IGSF9: variants seen among roughly 807,000 people sequenced by gnomAD.
IGSF9 encodes immunoglobulin superfamily member 9, also known as protein turtle homolog A.
In IGSF9, 87 loss-of-function variants were observed where a neutral mutation model predicts 121.7. That is an observed-to-expected ratio of 0.71 (90% CI 0.60 to 0.85). IGSF9 has a LOEUF of 0.85. IGSF9 is among the 40% of genes least tolerant of loss of function. The pLI, the probability that IGSF9 is intolerant of heterozygous loss-of-function variation, is 0.00. For synonymous variants in IGSF9, 640 were observed against 648.4 expected (o/e 0.99, Z 0.20); for missense variants, 1,462 against 1,565.3 (o/e 0.93, Z 1.11).
chr1:159,940,621 GT>G (rs1384306688), intron 3 of IGSF9, among the ~76,000 whole-genome samples: 9 of 152,250 alleles, frequency 5.9e-5, no homozygotes, highest in Non-Finnish European at 1.0e-4. Flanking sequence ...TCAAAAAATG[GT>G]GCTAACTGCG....
Position 159,929,328 on chromosome 1 carries a change from G to A in IGSF9, c.2369+23C>T, listed in dbSNP as rs765888908. On this transcript the variant is annotated intron_variant, in intron 18 of 20. Coordinates refer to ENST00000368094, the MANE Select transcript of IGSF9 (RefSeq NM_001135050.2). ...ACGTACAATGGAAAGGCAGAAGAAA[G>A]CCAAGGAGGTGGAGGCACTTACGGT... 18 of 1,612,114 alleles carry A rather than the reference G, an allele frequency of 1.1e-5. No individual in the cohort carries two copies. In the East Asian group the frequency reaches 3.8e-4, roughly 34 times the overall value.
At chr1:159,944,746 C>T (rs909577835) in intron 1 of IGSF9, among the ~76,000 whole-genome samples, 11 of 152,104 alleles carry the variant, frequency 7.2e-5, no homozygotes, top group East Asian at 3.9e-4. Context: ...CACTCTTGGC[C>T]GCAAAGTTCA....
chr1:159,939,653 A>G (rs1375529785), intron 3 of IGSF9, among the ~76,000 whole-genome samples: 1 of 152,246 alleles, frequency 6.6e-6, no homozygotes, highest in Non-Finnish European at 1.5e-5. Flanking sequence ...GTTTGCTTCC[A>G]TTCTACCTCT....
rs375786111 is a variant in IGSF9, at chr1:159,930,443, C to T, written c.1814-4G>A. 5 of 1,529,608 alleles carry T rather than the reference C, an allele frequency of 3.3e-6. No individual in the cohort carries two copies. Among genetic ancestry groups the T allele is most frequent in the African/African-American group, 1.4e-5 (1 of 72,258 alleles). 94.8% of individuals were successfully genotyped at this position (1,529,608 alleles called of 1,614,324 possible). On this transcript the variant is annotated splice_polypyrimidine_tract_variant and splice_region_variant and intron_variant, in intron 14 of 20. Coordinates refer to ENST00000368094, the MANE Select transcript of IGSF9 (RefSeq NM_001135050.2). ...GCAGCTGGCGTGGTAGGAAGCCCTG[C>T]GTGGGACAGAAAGGCAGGTCAGAGC...
chr1:159,942,898 C>A (rs576058919), intron 3 of IGSF9, 65 bp downstream of exon 3: 6 of 1,412,142 alleles, frequency 4.2e-6, no homozygotes, highest in Admixed American at 2.0e-5. Flanking sequence ...AGGCCTTGTG[C>A]GACTCTACCC....
chr1:159,929,202 G>A (rs1411225777), intron 18 of IGSF9, 149 bp downstream of exon 18: 2 of 1,291,734 alleles, frequency 1.5e-6, no homozygotes, highest in East Asian at 2.4e-5. Context: ...CTCAGGCTGG[G>A]GCCACTGCAC....
At chr1:159,940,207 T>G (rs978005864) in intron 3 of IGSF9, among the ~76,000 whole-genome samples, 1 of 152,104 alleles carries the variant, frequency 6.6e-6, no homozygotes, top group Non-Finnish European at 1.5e-5. Flanking sequence ...TGGACACGGG[T>G]GTTAGGACCG....
chr1:159,943,687 C>T, intron 1 of IGSF9, 59 bp from the exon 2 acceptor site: 1 of 410,460 alleles, frequency 2.4e-6, no homozygotes, highest in Non-Finnish European at 4.3e-6. Context: ...CCAGAAGAAA[C>T]CCCACCATTA....
rs1267956170 is a variant in IGSF9 at position 159,931,403 on chromosome 1, G to A, written c.1513+50C>T. On this transcript the variant is annotated intron_variant, in intron 12 of 20. Transcript: ENST00000368094. The surrounding 1 kb of genome is among the most constrained non-coding windows in gnomAD (Gnocchi z 4.8). The stretch of plus-strand genomic sequence containing the variant: ...ATCCTCTTTCTGGGCCTCCAAAAAC[G>A]ATTCCCAAGTAGTTTCTCCCAGCCC... 18 of 1,600,654 alleles carry A rather than the reference G, an allele frequency of 1.1e-5. No individual in the cohort carries two copies. Among genetic ancestry groups the A allele is most frequent in the East Asian group, 1.1e-4 (5 of 44,594 alleles).
chr1:159,941,899 C>A (rs999642285), intron 3 of IGSF9, among the ~76,000 whole-genome samples: 16 of 152,250 alleles, frequency 1.1e-4, no homozygotes, highest in Non-Finnish European at 2.2e-4. Flanking sequence ...CCAATAACTG[C>A]CCCCAGTTTG....
chr1:159,931,650 A>G lies in IGSF9; in HGVS notation c.1363-47T>C. ...CTGAGGACACACGCAGCCACCCCTC[A>G]CCAAAGGCGCCCCTCATCTCTCCAG... On this transcript the variant is annotated intron_variant, in intron 11 of 20. Transcript: ENST00000368094. The surrounding 1 kb of genome is among the most constrained non-coding windows in gnomAD (Gnocchi z 4.8). 1 of 1,593,742 alleles carries G rather than the reference A, an allele frequency of 6.3e-7. No individual in the cohort carries two copies. The highest frequency in any genetic ancestry group is 2.3e-5 in the East Asian group (1 of 44,364).
In IGSF9 at chr1:159,927,789, C is replaced by G. The variant is rs773126631; in HGVS notation, c.3329G>C (p.Arg1110Pro). 1.9e-6 allele frequency: 3 copies of G among 1,613,756 alleles called. No individual in the cohort carries two copies. In the African/African-American group the frequency reaches 4.0e-5, roughly 22 times the overall value. The stretch of plus-strand genomic sequence containing the variant: ...CTCTGGCTCAGCTTCAGGTCTGAGC[C>G]GGGAGCTGGCCAAGCCCAGGTGCAA... Reference protein sequence around the residue: ...ETLHLGLASSRLRPEAEPELG... With the variant: ...ETLHLGLASSPLRPEAEPELG... Residue 1110 changes from arginine (R) to proline (P), a missense_variant, in exon 20 of 21, where the codon CGG (arginine) becomes CCG (proline). This residue lies in a region of IGSF9 where 808 missense variants were observed against 815.2 expected (regional missense o/e 0.99). Transcript: ENST00000368094.
In IGSF9 at chr1:159,929,790, G is replaced by A. The variant is rs767946352; in HGVS notation, c.2174C>T (p.Thr725Met). The A allele has an allele frequency of 1.2e-5, 20 of 1,605,754 alleles. No homozygotes were observed. Among genetic ancestry groups the A allele is most frequent in the East Asian group, 6.7e-5 (3 of 44,508 alleles). Residue 725 changes from threonine (T) to methionine (M), a missense_variant, in exon 17 of 21, where the codon ACG becomes ATG. By Grantham distance (81) the Thr-to-Met change is moderately conservative. Transcript: ENST00000368094. ...CTGAGGCAGGAGGCCCGGCAGCTGCGTGCGCGAAGGGTAGACCTCCAGACC... is the reference window on the plus strand; with the variant it reads ...CTGAGGCAGGAGGCCCGGCAGCTGCATGCGCGAAGGGTAGACCTCCAGACC... ...TSGLEVYPSR[T>M]QLPGLLPQPV...
In IGSF9 at chr1:159,945,221, TCTC is replaced by T. The variant is rs1651542916; in HGVS notation, c.-175+349_-175+351del. 2.2e-5 allele frequency among the ~76,000 whole-genome samples: 3 copies of T among 134,960 alleles called. No homozygotes were observed. In the South Asian group the frequency reaches 7.0e-4, roughly 31 times the overall value. 88.5% of individuals were successfully genotyped at this position (134,960 alleles called of 152,430 possible). A position where few individuals can be genotyped will look rare whatever the true frequency, so the allele number is the denominator to read the frequency against. On this transcript the variant is annotated intron_variant, in intron 1 of 20. Coordinates refer to ENST00000368094, the MANE Select transcript of IGSF9 (RefSeq NM_001135050.2). ...ACCCCCCAGCCACTTCTCCCCATCC[TCTC>T]CTCCCGATAATTCCCCTCCCTGGGA...
In IGSF9 at chr1:159,930,858, A is replaced by T. The variant is rs751793459; in HGVS notation, c.1647T>A (p.Arg549=). The change falls in exon 14 of 21, where the codon CGT becomes CGA. Residue 549 remains arginine, a synonymous_variant. Coordinates refer to ENST00000368094, the MANE Select transcript of IGSF9 (RefSeq NM_001135050.2). The stretch of plus-strand genomic sequence containing the variant: ...CCCAGTCATGGTGCATTCGGTCAGG[A>T]CGCTTGGCCCTGGGAGACATGAGGA... The part of the protein sequence containing the change: ...FSVWYTPLAK[R]PDRMHHDWVS... 6.2e-7 allele frequency: 1 copy of T among 1,605,648 alleles called. No individual in the cohort carries two copies. Among genetic ancestry groups the T allele is most frequent in the South Asian group, 1.1e-5 (1 of 90,170 alleles).
At position 159,936,884 on chromosome 1, in the gene IGSF9, G is replaced by A. The variant is rs1370799148; in HGVS notation, c.425C>T (p.Pro142Leu). Residue 142 changes from proline (P) to leucine (L), a missense_variant, in exon 5 of 21, where the codon CCT becomes CTT. Around this residue, in one of 3 missense-constraint regions of IGSF9, gnomAD observed 558 missense variants for 599.4 expected, o/e 0.93. Transcript: ENST00000368094. ...TTCCTGCACTTCCAACACAGCAGGA[G>A]GTGTCTCCTGGAATTGAGGGGGTGC... ...VNSPPQFQETPPAVLEVQELE... is the reference protein window; with the variant it reads ...VNSPPQFQETLPAVLEVQELE... 6.2e-7 allele frequency: 1 copy of A among 1,614,226 alleles called. No homozygotes were observed. The highest frequency in any genetic ancestry group is 8.5e-7 in the Non-Finnish European group (1 of 1,180,022).
rs1003141527 is a variant in IGSF9, at chr1:159,929,144, C to G, written c.2370-126G>C. On this transcript the variant is annotated intron_variant, in intron 18 of 20. Coordinates refer to ENST00000368094, the MANE Select transcript of IGSF9 (RefSeq NM_001135050.2). ...TAGGAAGAACAAGCGAGGAAAGGAC[C>G]AACAAGGTGGAGGGGTGGAGGGAAG... 2.9e-6 allele frequency: 4 copies of G among 1,382,038 alleles called. No individual in the cohort carries two copies. In the East Asian group the frequency reaches 9.8e-5, roughly 34 times the overall value. The allele number at this position is 1,382,038 out of a possible 1,614,324, so 85.6% of individuals were successfully genotyped here. A position where few individuals can be genotyped will look rare whatever the true frequency, so the allele number is the denominator to read the frequency against.
chr1:159,931,142 G>C lies in IGSF9; in HGVS notation c.1633C>G (p.Pro545Ala), dbSNP rs773853594. 3 of 1,614,106 alleles carry C rather than the reference G, an allele frequency of 1.9e-6. No homozygotes were observed. The South Asian group carries it at 3.3e-5, about 18-fold the overall frequency. ...TGGCAGGAGCAGGTCACTCACAGTG[G>C]GGTGTACCAGACACTGAATCTCTGC... ...YLQRFSVWYT[P>A]LAKRPDRMHH... The change falls in exon 13 of 21, where the codon CCA becomes GCA. Residue 545 changes from proline (P) to alanine (A), a missense_variant. By Grantham distance (27) the Pro-to-Ala change is conservative. Transcript: ENST00000368094. This position sits in a 1 kb window ranked among gnomAD's most constrained non-coding sequence, Gnocchi z 4.8.
Position 159,927,085 on chromosome 1 carries a change from CACACACACACACAG to C in IGSF9, c.*246_*259del. Reference sequence around the variant, plus strand: ...TCACCTGTAAAAAACTTCACACACACACACACACACACAGAGAGAGAGAGAGAGAGAGAGAGAGA... The same window carrying C: ...TCACCTGTAAAAAACTTCACACACACAGAGAGAGAGAGAGAGAGAGAGAGA... On this transcript the variant is annotated 3_prime_UTR_variant, in exon 21 of 21. Coordinates refer to ENST00000368094, the MANE Select transcript of IGSF9 (RefSeq NM_001135050.2). The C allele has an allele frequency of 1.9e-6, 1 of 521,684 alleles. No individual in the cohort carries two copies. The highest frequency in any genetic ancestry group is 3.3e-5 in the East Asian group (1 of 30,140). The allele number at this position is 521,684 out of a possible 1,614,324, so 32.3% of individuals were successfully genotyped here. A position where few individuals can be genotyped will look rare whatever the true frequency, so the allele number is the denominator to read the frequency against.
Sources: gnomAD v4.1 joint callset for allele counts (sites outside exome capture counted in the v4.1 genomes callset) on GRCh38, gnomAD v4.1.1 for gene constraint, gnomAD v4.1.1 regional missense constraint, Gnocchi (gnomAD v3.1) non-coding constraint, MANE v1.5 for transcripts, NCBI Gene and HGNC (gene_info 2026-07-23, HGNC 2026-07-21) for gene names.